CCDC15: variants seen among roughly 807,000 people sequenced by gnomAD.
CCDC15 encodes coiled-coil domain containing 15.
A neutral mutation model predicts 114.5 loss-of-function variants in CCDC15; 105 were observed. The ratio of observed to expected loss-of-function variants is 0.92; its 90% CI spans 0.78 to 1.08. The LOEUF is 1.08. Among genes scored for constraint, CCDC15 ranks in the 50% least tolerant of loss-of-function variants. CCDC15 has a pLI of 0.00. For synonymous variants in CCDC15, 334 were observed against 377.8 expected (o/e 0.88, Z 1.34); for missense variants, 1,105 against 1,093.6 (o/e 1.01, Z -0.15).
intron 13 of CCDC15, among the ~76,000 whole-genome samples, chr11:125,010,260 T>C (rs566866605): frequency 6.6e-6 from 1 of 152,324 alleles, no homozygotes; most frequent in East Asian, 1.9e-4. Flanking sequence ...ATTTCTCTGA[T>C]GATTAGTGAT....
At chr11:124,955,134 A>G (rs1002921329) in intron 2 of CCDC15, among the ~76,000 whole-genome samples, 1 of 152,238 alleles carries the variant, frequency 6.6e-6, no homozygotes, top group Non-Finnish European at 1.5e-5. Flanking sequence ...ACTATAATAT[A>G]TAGAGCATAA....
intron 8 of CCDC15, among the ~76,000 whole-genome samples, chr11:124,988,963 T>C (rs192978884): frequency 4.6e-5 from 7 of 152,334 alleles, no homozygotes; most frequent in Non-Finnish European, 8.8e-5. Context: ...ATCAACTTCT[T>C]CCAAACTCCT....
intron 13 of CCDC15, among the ~76,000 whole-genome samples, chr11:125,005,557 A>G (rs561638797): frequency 3.9e-4 from 59 of 152,260 alleles, no homozygotes; most frequent in Admixed American, 1.4e-3. Context: ...ACATTGACAC[A>G]TTATTATTAC....
At chr11:125,007,635 G>GTTT (rs1008681379) in intron 13 of CCDC15, among the ~76,000 whole-genome samples, 1 of 148,506 alleles carries the variant, frequency 6.7e-6, no homozygotes, top group Non-Finnish European at 1.5e-5. Context: ...CTGTTTTTAG[G>GTTT]TTTTTTTTTT....
At position 125,038,471 on chromosome 11, in the gene CCDC15, C is replaced by T; in HGVS notation, c.2452C>T (p.Gln818Ter). The change falls in exon 14 of 16, where the codon CAG becomes TAG. Residue 818 changes from glutamine (Q) to a stop codon, truncating the protein, a stop_gained. Transcript: ENST00000344762. LOFTEE classifies it high-confidence loss of function. ...KREQECYAAEQRILRMNFHED... is the reference protein window; with the variant it reads ...KREQECYAAE ...AGAGCAAGAATGTTATGCTGCAGAG[C>T]AGAGGATCCTAAGAATGAACTTTCA... 4 of 1,578,096 alleles carry T rather than the reference C, an allele frequency of 2.5e-6. No homozygotes were observed. Among genetic ancestry groups the T allele is most frequent in the Non-Finnish European group, 3.4e-6 (4 of 1,161,538 alleles).
intron 11 of CCDC15, among the ~76,000 whole-genome samples, chr11:124,996,447 G>C (rs1948370949): frequency 6.6e-6 from 1 of 152,140 alleles, no homozygotes; most frequent in Non-Finnish European, 1.5e-5. Flanking sequence ...CTCCTCTTCA[G>C]AGTTAATCAC....
intron 3 of CCDC15, 40 bp from the exon 4 acceptor site, chr11:124,959,775 G>A (rs755927551): frequency 8.0e-7 from 1 of 1,250,362 alleles, no homozygotes; most frequent in Admixed American, 2.8e-5. Flanking sequence ...GCTCTGGATT[G>A]GGGTAGAATG....
chr11:124,986,667 CTGTGTGTG>C, intron 6 of CCDC15, 67 bp from the exon 7 acceptor site: 7 of 1,089,474 alleles, frequency 6.4e-6, no homozygotes, highest in Non-Finnish European at 8.5e-6. Flanking sequence ...CTACATGGTG[CTGTGTGTG>C]TGTGTGTGTG....
intron 13 of CCDC15, among the ~76,000 whole-genome samples, chr11:125,005,669 A>C (rs779237759): frequency 7.2e-5 from 11 of 152,126 alleles, no homozygotes; most frequent in Non-Finnish European, 1.3e-4. Context: ...GGTATTATAC[A>C]AAGTGCTTTC....
chr11:125,038,990 A>T lies in CCDC15; in HGVS notation c.2655A>T (p.Leu885=). 6.2e-7 allele frequency: 1 copy of T among 1,612,986 alleles called. No individual in the cohort carries two copies. The highest frequency in any genetic ancestry group is 8.5e-7 in the Non-Finnish European group (1 of 1,179,270). The change falls in exon 15 of 16, where the codon CTA becomes CTT. Residue 885 remains leucine, a synonymous_variant. Coordinates refer to ENST00000344762, the MANE Select transcript of CCDC15 (RefSeq NM_025004.3). ...TGTATAATATTACTTTACCTCCACT[A>T]TGCTGTTGTGGTCCTGATTTTTGGG... is the stretch of plus-strand genomic sequence containing the variant. ...MQLYNITLPP[L]CCCGPDFWDA... is the part of the protein sequence containing the mutation.
intron 4 of CCDC15, among the ~76,000 whole-genome samples, chr11:124,973,376 A>G (rs1406361340): frequency 6.6e-6 from 1 of 151,756 alleles, no homozygotes; most frequent in Non-Finnish European, 1.5e-5. Context: ...TATAATTTCA[A>G]CTACACATAT....
intron 11 of CCDC15, among the ~76,000 whole-genome samples, chr11:125,003,168 TTTC>T (rs1402112174): frequency 6.6e-6 from 1 of 152,068 alleles, no homozygotes; most frequent in Non-Finnish European, 1.5e-5. Flanking sequence ...ATGTAAATTT[TTTC>T]TTAATTTACT....
At position 124,988,037 on chromosome 11, in the gene CCDC15, A is replaced by G. The variant is rs113750570; in HGVS notation, c.1811A>G (p.Gln604Arg). 1.7e-5 allele frequency: 28 copies of G among 1,613,914 alleles called. No individual in the cohort carries two copies. In the African/African-American group the frequency reaches 1.9e-4, roughly 11 times the overall value. Reference protein sequence around the residue: ...PKDQNILPICQDRDFLPRDLH... With the variant: ...PKDQNILPICRDRDFLPRDLH... ...GACCAAAATATTCTACCCATATGTC[A>G]GGACCGGGATTTTCTACCCAGAGAC... The change falls in exon 8 of 16, where the codon CAG becomes CGG. Residue 604 changes from glutamine (Q) to arginine (R), a missense_variant. Physicochemically the swap from Gln to Arg is conservative, Grantham distance 43. Coordinates refer to ENST00000344762, the MANE Select transcript of CCDC15 (RefSeq NM_025004.3).
chr11:124,994,412 T>A (rs1948327299), intron 11 of CCDC15, among the ~76,000 whole-genome samples: 1 of 152,230 alleles, frequency 6.6e-6, no homozygotes, highest in African/African-American at 2.4e-5. Context: ...GATATTATTA[T>A]CCTAATCCTA....
chr11:125,009,767 T>G (rs972412843), intron 13 of CCDC15, among the ~76,000 whole-genome samples: 3 of 152,188 alleles, frequency 2.0e-5, no homozygotes, highest in Non-Finnish European at 2.9e-5. Flanking sequence ...TGGTTTTCTG[T>G]TTCTGTGTTA....
intron 13 of CCDC15, among the ~76,000 whole-genome samples, chr11:125,006,080 A>G (rs183377662): frequency 1.3e-5 from 2 of 152,326 alleles, no homozygotes; most frequent in East Asian, 3.9e-4. Context: ...AGTAAATAAC[A>G]AGGCATATGA....
intron 13 of CCDC15, among the ~76,000 whole-genome samples, chr11:125,025,075 A>AATATATTC (rs1565382084): frequency 1.7e-5 from 1 of 57,544 alleles, no homozygotes; most frequent in African/African-American, 6.6e-5. Flanking sequence ...TGAATATATG[A>AATATATTC]ATATATATGA....
chr11:124,993,850 T>C (rs967924187), intron 11 of CCDC15, among the ~76,000 whole-genome samples: 3 of 152,220 alleles, frequency 2.0e-5, no homozygotes, highest in Admixed American at 1.3e-4. Flanking sequence ...CATTGAACAC[T>C]TACCACAGCC....
At chr11:124,960,807 T>TA (rs1292215373) in intron 4 of CCDC15, among the ~76,000 whole-genome samples, 1 of 152,220 alleles carries the variant, frequency 6.6e-6, no homozygotes, top group African/African-American at 2.4e-5. Context: ...GTCCAGTTGA[T>TA]ACAGTCTTCA....
Sources: allele counts gnomAD v4.1 joint callset (sites outside exome capture counted in the v4.1 genomes callset), GRCh38; gene constraint gnomAD v4.1.1; transcripts MANE v1.5; gene names NCBI Gene and HGNC (gene_info 2026-07-23, HGNC 2026-07-21).